Variants in MTMR4 observed in about 807,000 individuals in gnomAD.
The protein encoded by MTMR4 is phosphatidylinositol-3,5-bisphosphate 3-phosphatase MTMR4.
In MTMR4, 30 loss-of-function variants were observed where a neutral mutation model predicts 125.5. The ratio of observed to expected loss-of-function variants is 0.24; its 90% CI spans 0.18 to 0.32. The LOEUF is 0.32. Among genes scored for constraint, MTMR4 ranks in the 10% least tolerant of loss-of-function variants. MTMR4 has a pLI of 1.00. For missense variants in MTMR4, 1,039 were observed against 1,511.5 expected (o/e 0.69, Z 5.18); for synonymous variants, 498 against 564.5 (o/e 0.88, Z 1.67).
In MTMR4 at chr17:58,504,891, A is replaced by G; in HGVS notation, c.1229T>C (p.Val410Ala). 6.2e-7 allele frequency: 1 copy of G among 1,614,226 alleles called. No homozygotes were observed. The highest frequency in any genetic ancestry group is 8.5e-7 in the Non-Finnish European group (1 of 1,180,038). Residue 410 changes from valine to alanine, a missense_variant, in exon 11 of 18, where the codon GTA (valine) becomes GCA (alanine). Around this residue, in one of 6 missense-constraint regions of MTMR4, gnomAD observed 107 missense variants for 267.4 expected, o/e 0.40. Coordinates refer to ENST00000682306, the MANE Select transcript of MTMR4 (RefSeq NM_001378067.1). The surrounding 1 kb of genome is among the most constrained non-coding windows in gnomAD (Gnocchi z 7.1). ...LKAAVLVANT[V>A]DREGRPVLVH... ...CAGCACAGGCCGGCCTTCCCGGTCTACTGTATTAGCCACCAGCACAGCTGC... is the reference window on the plus strand; with the variant it reads ...CAGCACAGGCCGGCCTTCCCGGTCTGCTGTATTAGCCACCAGCACAGCTGC...
Position 58,512,341 on chromosome 17 carries a change from C to G in MTMR4, c.252+49G>C. ...AGCCTTGGAACAATCCCACCTTGAA[C>G]TTCATAGGGATTCTAGCTTAGGGGT... On this transcript the variant is annotated intron_variant, in intron 3 of 17. Coordinates refer to ENST00000682306, the MANE Select transcript of MTMR4 (RefSeq NM_001378067.1). The surrounding 1 kb of genome is among the most constrained non-coding windows in gnomAD (Gnocchi z 4.1). 6.8e-7 allele frequency: 1 copy of G among 1,478,922 alleles called. No homozygotes were observed. Among genetic ancestry groups the G allele is most frequent in the Middle Eastern group, 1.7e-4 (1 of 5,802 alleles). 91.6% of individuals were successfully genotyped at this position (1,478,922 alleles called of 1,614,324 possible). A position where few individuals can be genotyped will look rare whatever the true frequency, so the allele number is the denominator to read the frequency against.
chr17:58,505,434 G>T (rs763662981), intron 10 of MTMR4, 38 bp downstream of exon 10: 2 of 1,499,700 alleles, frequency 1.3e-6, no homozygotes, highest in South Asian at 2.3e-5. Flanking sequence ...ACTGGGTAAG[G>T]AATGAGACTG....
chr17:58,507,118 C>T lies in MTMR4; in HGVS notation c.904+5G>A. 3.1e-6 allele frequency: 5 copies of T among 1,614,130 alleles called. No individual in the cohort carries two copies. The highest frequency in any genetic ancestry group is 4.2e-6 in the Non-Finnish European group (5 of 1,180,014). ...CCTGGGGGGTTAGCATCATCCACACCTTACCAAAGTCAGCATCACACGCCT... is the reference window on the plus strand; with the variant it reads ...CCTGGGGGGTTAGCATCATCCACACTTTACCAAAGTCAGCATCACACGCCT... On this transcript the variant is annotated splice_donor_5th_base_variant and intron_variant, in intron 8 of 17. Coordinates refer to ENST00000682306, the MANE Select transcript of MTMR4 (RefSeq NM_001378067.1).
At chr17:58,517,070 A>G (rs1331252443), upstream of MTMR4, among the ~76,000 whole-genome samples, 1 of 152,228 alleles carries the variant, frequency 6.6e-6, no homozygotes, top group South Asian at 2.1e-4. Context: ...TGAGTCTGGG[A>G]GTAGTACCCA....
At chr17:58,492,241 G>A (rs944274271) in intron 17 of MTMR4, among the ~76,000 whole-genome samples, 4 of 152,202 alleles carry the variant, frequency 2.6e-5, no homozygotes, top group East Asian at 1.9e-4. Context: ...GCGTAATCTC[G>A]GCTCACTGCA....
Position 58,507,238 on chromosome 17 carries a change from C to T in MTMR4, c.789G>A (p.Glu263=), listed in dbSNP as rs750999628. The stretch of plus-strand genomic sequence containing the variant: ...CTTTAGCAATGGACGTGACCAGGTA[C>T]TCATCATCAGCATTGCGCCAGCCCC... The part of the protein sequence containing the change: ...SWWGWRNADD[E]YLVTSIAKAC... The change falls in exon 8 of 18, where the codon GAG becomes GAA. Residue 263 remains glutamate, a synonymous_variant. Coordinates refer to ENST00000682306, the MANE Select transcript of MTMR4 (RefSeq NM_001378067.1). 27 of 1,614,190 alleles carry T rather than the reference C, an allele frequency of 1.7e-5. No homozygotes were observed. In the East Asian group the frequency reaches 4.9e-4, roughly 29 times the overall value.
intron 14 of MTMR4, among the ~76,000 whole-genome samples, chr17:58,500,202 C>G (rs1975583827): frequency 6.6e-6 from 1 of 152,172 alleles, no homozygotes; most frequent in African/African-American, 2.4e-5. Context: ...TCACAGCTCA[C>G]TGCAGCCTCA....
In MTMR4 at chr17:58,492,491, A is replaced by T; in HGVS notation, c.3452+20T>A. ...GCCTGCCCTGTTTTTTGTCATACTA[A>T]ATCATACAAAACATCTTACCTGCAA... On this transcript the variant is annotated intron_variant, in intron 17 of 17. Transcript: ENST00000682306. 2 of 1,611,392 alleles carry T rather than the reference A, an allele frequency of 1.2e-6. No homozygotes were observed. Among genetic ancestry groups the T allele is most frequent in the Non-Finnish European group, 8.5e-7 (1 of 1,178,344 alleles).
upstream of MTMR4, among the ~76,000 whole-genome samples, chr17:58,517,443 C>T (rs532471035): frequency 5.2e-5 from 8 of 152,388 alleles, no homozygotes; most frequent in South Asian, 1.4e-3. Context: ...GTACTGCCCA[C>T]CTCCCTGTTC....
At position 58,507,019 on chromosome 17, in the gene MTMR4, C is replaced by T. The variant is rs1192497705; in HGVS notation, c.904+104G>A. ...TGACAAGGCAGGGACCCCAGCACCC[C>T]GTGTGTTGTCATCTTCCCAGACTCT... On this transcript the variant is annotated intron_variant, in intron 8 of 17. Coordinates refer to ENST00000682306, the MANE Select transcript of MTMR4 (RefSeq NM_001378067.1). The T allele has an allele frequency of 7.0e-6, 11 of 1,561,840 alleles. No homozygotes were observed. In the Admixed American group the frequency reaches 1.0e-4, roughly 15 times the overall value.
chr17:58,502,544 C>G (rs1325323017), intron 14 of MTMR4, among the ~76,000 whole-genome samples: 4 of 151,056 alleles, frequency 2.6e-5, no homozygotes, highest in Non-Finnish European at 5.9e-5. Context: ...TGGAAATTAC[C>G]TAAATGATGA....
At chr17:58,501,630 G>A (rs377528722) in intron 14 of MTMR4, among the ~76,000 whole-genome samples, 17 of 149,770 alleles carry the variant, frequency 1.1e-4, no homozygotes, top group Admixed American at 2.0e-4. Context: ...ATGTATATAC[G>A]TATACATGTA....
intron 10 of MTMR4, 85 bp from the exon 11 acceptor site, chr17:58,505,059 A>G: frequency 7.5e-7 from 1 of 1,336,604 alleles, no homozygotes. Flanking sequence ...GCCCCACCCA[A>G]CAAAGTCCCC....
rs181703406 is a variant in MTMR4, at chr17:58,502,319, G to A, written c.1853+1425C>T. Among the ~76,000 whole-genome samples, 892 of 151,736 alleles carry A rather than the reference G, an allele frequency of 5.9e-3. 6 individuals are homozygous for A. Among genetic ancestry groups the A allele is most frequent in the African/African-American group, 9.5e-3 (393 of 41,408 alleles). Reference sequence around the variant, plus strand: ...ATTACAGGTGCCTGCCACCATGCCCGGCTAATTTTTGTATTTTTAGTAGAG... The same window carrying A: ...ATTACAGGTGCCTGCCACCATGCCCAGCTAATTTTTGTATTTTTAGTAGAG... On this transcript the variant is annotated intron_variant, in intron 14 of 17. Transcript: ENST00000682306.
At position 58,512,634 on chromosome 17, in the gene MTMR4, G is replaced by T. The variant is rs186434970; in HGVS notation, c.136-128C>A. ...GGCAAGAGAGGAGAGTTCTCTCCAC[G>T]GTAACAGCACCAGGCAACAGCTGTA... On this transcript the variant is annotated intron_variant, in intron 2 of 17. Transcript: ENST00000682306. This position sits in a 1 kb window ranked among gnomAD's most constrained non-coding sequence, Gnocchi z 4.1. The T allele has an allele frequency of 1.2e-6, 1 of 842,602 alleles. No homozygotes were observed. The highest frequency in any genetic ancestry group is 2.0e-6 in the Non-Finnish European group (1 of 512,250). The allele number at this position is 842,602 out of a possible 1,614,324, so 52.2% of individuals were successfully genotyped here.
chr17:58,518,715 C>T (rs2042061382), upstream of MTMR4, among the ~76,000 whole-genome samples: 1 of 152,202 alleles, frequency 6.6e-6, no homozygotes. Context: ...TCGCCCCTCC[C>T]TTTCCTTCCC....
intron 16 of MTMR4, 36 bp downstream of exon 16, chr17:58,492,806 C>T: frequency 6.4e-7 from 1 of 1,560,922 alleles, no homozygotes; most frequent in Non-Finnish European, 8.8e-7. Context: ...CTCACTGGCT[C>T]ACGTAAGTAC....
chr17:58,496,052 C>G lies in MTMR4; in HGVS notation c.2132G>C (p.Ser711Thr). The change falls in exon 15 of 18, where the codon AGC becomes ACC. Residue 711 changes from serine (S) to threonine (T), a missense_variant. This residue lies in a region of MTMR4 where 619 missense variants were observed against 714.5 expected (regional missense o/e 0.87). Transcript: ENST00000682306. ...AAGCAGTTTGTAACTTGGAGAACAG[C>G]TTTTGTGACTCTTGAAAGGTTTATT... ...LSNKPFKSHK[S>T]CSPSYKLLNT... 2.5e-6 allele frequency: 4 copies of G among 1,614,190 alleles called. No homozygotes were observed. The highest frequency in any genetic ancestry group is 3.4e-6 in the Non-Finnish European group (4 of 1,180,028).
intron 1 of MTMR4, among the ~76,000 whole-genome samples, chr17:58,513,192 G>C (rs1349268532): frequency 6.6e-6 from 1 of 152,208 alleles, no homozygotes; most frequent in Non-Finnish European, 1.5e-5. Flanking sequence ...ACTCTTCAAA[G>C]AGGGACTCTC....
Sources: allele counts gnomAD v4.1 joint callset (sites outside exome capture counted in the v4.1 genomes callset), GRCh38; gene constraint gnomAD v4.1.1; regional missense constraint gnomAD v4.1.1; non-coding constraint Gnocchi (gnomAD v3.1); transcripts MANE v1.5; gene names NCBI Gene and HGNC (gene_info 2026-07-23, HGNC 2026-07-21).